NAA38: variants seen among roughly 807,000 people sequenced by gnomAD.
NAA38 encodes LSM domain containing 1.
NAA38 carries 15 observed loss-of-function variants against 12.6 expected under a neutral mutation model. The ratio of observed to expected loss-of-function variants is 1.19; its 90% confidence interval spans 0.79 to 1.83. NAA38 has a LOEUF of 1.83. Ranked by LOEUF, NAA38 falls within the 40% of genes most tolerant of loss-of-function variation. The pLI is 0.00. For synonymous variants in NAA38, 88 were observed against 69.9 expected, an observed-to-expected ratio of 1.26 and a Z score of -1.29; for missense variants, 183 against 171.7, an observed-to-expected ratio of 1.07 and a Z score of -0.37.
At chr17:7,877,135 G>A (rs985285360) in intron 2 of NAA38, 14 of 332,410 alleles carry the variant, frequency 4.2e-5, no homozygotes, top group African/African-American at 2.7e-4. Context: ...AGTTGCTAAC[G>A]TAATCAATGA....
chr17:7,873,005 G>C (rs1397906587), intron 2 of NAA38, among the ~76,000 whole-genome samples: 1 of 152,188 alleles, frequency 6.6e-6, no homozygotes. Context: ...TAAGCTTGGA[G>C]AGTCAGGGGA....
chr17:7,868,626 A>G (rs1160076677), intron 2 of NAA38, among the ~76,000 whole-genome samples: 1 of 152,238 alleles, frequency 6.6e-6, no homozygotes, highest in Non-Finnish European at 1.5e-5. Flanking sequence ...AGATTAAATA[A>G]GGAATGGGAA....
upstream of NAA38, chr17:7,858,669 G>A: frequency 6.2e-7 from 1 of 1,610,998 alleles, no homozygotes; most frequent in Non-Finnish European, 8.5e-7. Context: ...GGGCCGCTTT[G>A]TGCACGTTCC....
intron 2 of NAA38, among the ~76,000 whole-genome samples, chr17:7,867,259 G>GTTT (rs368249745): frequency 1.3e-5 from 2 of 150,974 alleles, no homozygotes; most frequent in African/African-American, 4.9e-5. Flanking sequence ...ACCAGGTTAA[G>GTTT]TTTTATTTTT....
chr17:7,866,717 G>A (rs540802183), intron 2 of NAA38, among the ~76,000 whole-genome samples: 53 of 152,130 alleles, frequency 3.5e-4, no homozygotes, highest in African/African-American at 1.2e-3. Context: ...CCCTTAACAC[G>A]CCCTCCCCAG....
At chr17:7,858,426 G>A (rs2078852080), upstream of NAA38, 1 of 1,614,186 alleles carries the variant, frequency 6.2e-7, no homozygotes, top group Non-Finnish European at 8.5e-7. Flanking sequence ...GAAACCCATC[G>A]TGGAAGTTGC....
At chr17:7,870,992 G>A (rs1312257319) in intron 2 of NAA38, among the ~76,000 whole-genome samples, 1 of 152,024 alleles carries the variant, frequency 6.6e-6, no homozygotes, top group South Asian at 2.1e-4. Context: ...TTCCCAAAGT[G>A]TGGAGATTAC....
chr17:7,859,818 T>C, upstream of NAA38: 1 of 568,006 alleles, frequency 1.8e-6, no homozygotes, highest in Non-Finnish European at 3.1e-6. Context: ...GAATTAATCT[T>C]TGGGAATGAT....
intron 2 of NAA38, among the ~76,000 whole-genome samples, chr17:7,868,165 T>A (rs558099403): frequency 2.0e-5 from 3 of 152,016 alleles, no homozygotes; most frequent in Non-Finnish European, 4.4e-5. Context: ...CGAAGTGCAA[T>A]CTACAGAGGT....
chr17:7,866,630 C>T (rs1966988474), intron 2 of NAA38: 1 of 770,312 alleles, frequency 1.3e-6, no homozygotes, highest in Non-Finnish European at 1.8e-6. Flanking sequence ...AATCCACCCA[C>T]CACTCTTCAG....
Position 7,884,022 on chromosome 17 carries a change from A to G in NAA38, c.-166-687T>C, listed in dbSNP as rs1480351619. On this transcript the variant is annotated intron_variant, in intron 1 of 4. Transcript: ENST00000576861. ...AAATATTTTTTATAAGGGGGGAGTT[A>G]GTCACAGCAGCCATTTTTGTTTTAT... Among the ~76,000 whole-genome samples, 8 of 152,002 alleles carry G rather than the reference A, an allele frequency of 5.3e-5. 1 individual carries two copies. Among genetic ancestry groups the G allele is most frequent in the Admixed American group, 5.2e-4 (8 of 15,250 alleles).
At chr17:7,878,003 T>C (rs1363835742) in intron 2 of NAA38, among the ~76,000 whole-genome samples, 1 of 152,166 alleles carries the variant, frequency 6.6e-6, no homozygotes, top group African/African-American at 2.4e-5. Context: ...TAAAATTAGA[T>C]TAAAGTGATA....
At chr17:7,885,060 C>A in intron 1 of NAA38, 1 of 965,896 alleles carries the variant, frequency 1.0e-6, no homozygotes, top group Non-Finnish European at 1.2e-6. Flanking sequence ...CCGCTGCCCC[C>A]GCCGCCGCCG....
At position 7,856,854 on chromosome 17, in the gene NAA38, G is replaced by T. The variant is rs370833783; in HGVS notation, c.266-11C>A. ...CGGCAGAGAAGGAATCTGGAAAGAA[G>T]GATCAGAGCATCAGGAAAGTAGGCC... On this transcript the variant is annotated splice_polypyrimidine_tract_variant and intron_variant, in intron 2 of 2. Coordinates refer to ENST00000575771, the MANE Select transcript of NAA38 (RefSeq NM_001320925.4). The T allele has an allele frequency of 1.4e-5, 23 of 1,613,108 alleles. No homozygotes were observed. The Middle Eastern group carries it at 6.6e-4, about 46-fold the overall frequency.
chr17:7,873,060 G>C (rs1387247493), intron 2 of NAA38, among the ~76,000 whole-genome samples: 2 of 152,156 alleles, frequency 1.3e-5, no homozygotes, highest in East Asian at 3.9e-4. Flanking sequence ...CAGTACTAAC[G>C]ACCTTAAAAG....
chr17:7,882,298 G>T (rs917067551), intron 2 of NAA38, among the ~76,000 whole-genome samples: 3 of 152,158 alleles, frequency 2.0e-5, no homozygotes, highest in Non-Finnish European at 4.4e-5. Flanking sequence ...TACACGTGGA[G>T]ACACTTCCCA....
intron 2 of NAA38, among the ~76,000 whole-genome samples, chr17:7,873,795 T>C (rs1967127782): frequency 6.6e-6 from 1 of 152,250 alleles, no homozygotes; most frequent in South Asian, 2.1e-4. Context: ...AGTTCTCATA[T>C]GATAATCTAT....
intron 3 of NAA38, chr17:7,865,067 T>C (rs973299078): frequency 6.6e-6 from 1 of 152,128 alleles, no homozygotes; most frequent in African/African-American, 2.4e-5. Context: ...TATATAAACA[T>C]ATTATGAATA....
At chr17:7,884,777 G>C in intron 1 of NAA38, 1 of 398,554 alleles carries the variant, frequency 2.5e-6, no homozygotes, top group Non-Finnish European at 4.3e-6. Flanking sequence ...GCGGTGGGTG[G>C]GGGGGTGGTG....
Sources: allele counts gnomAD v4.1 joint callset (sites outside exome capture counted in the v4.1 genomes callset), GRCh38; gene constraint gnomAD v4.1.1; transcripts MANE v1.5; gene names NCBI Gene and HGNC (gene_info 2026-07-23, HGNC 2026-07-21).